CFAP61: variants seen among roughly 807,000 people sequenced by gnomAD.
CFAP61 encodes the protein cilia- and flagella-associated protein 61.
A neutral mutation model predicts 135.6 loss-of-function variants in CFAP61; 107 were observed. The observed-to-expected ratio is 0.79, with a 90% confidence interval of 0.67 to 0.93. CFAP61 has a LOEUF of 0.93. CFAP61 is among the 40% of genes least tolerant of loss of function. CFAP61 has a pLI of 0.00. For synonymous variants in CFAP61, 575 were observed against 578.5 expected, an observed-to-expected ratio of 0.99 and a Z score of 0.09; for missense variants, 1,507 against 1,556.2, an observed-to-expected ratio of 0.97 and a Z score of 0.53.
chr20:20,074,046 G>A (rs1600452597), intron 3 of CFAP61: 1 of 488,716 alleles, frequency 2.0e-6, no homozygotes, highest in South Asian at 2.5e-5. Context: ...GCAGGAGGAA[G>A]GGCGGGTGCT....
chr20:20,209,441 A>G (rs1260944623), intron 17 of CFAP61, among the ~76,000 whole-genome samples: 1 of 152,238 alleles, frequency 6.6e-6, no homozygotes, highest in East Asian at 1.9e-4. Context: ...TGATTCCTGA[A>G]TTGAAAAAGA....
At chr20:20,266,082 G>A (rs1017681631) in intron 21 of CFAP61, among the ~76,000 whole-genome samples, 1 of 152,210 alleles carries the variant, frequency 6.6e-6, no homozygotes, top group Non-Finnish European at 1.5e-5. Context: ...AGTGTGAGAG[G>A]AGGCCTCGAG....
intron 25 of CFAP61, among the ~76,000 whole-genome samples, chr20:20,320,233 G>A (rs2057372726): frequency 6.8e-6 from 1 of 146,454 alleles, no homozygotes; most frequent in South Asian, 2.1e-4. Context: ...CATTTATGAG[G>A]TGATTGGAAA....
chr20:20,197,140 A>G (rs941322579), intron 16 of CFAP61, among the ~76,000 whole-genome samples: 2 of 152,250 alleles, frequency 1.3e-5, no homozygotes, highest in Non-Finnish European at 2.9e-5. Context: ...AGCCAAGAAC[A>G]TTTCAGTGAT....
chr20:20,224,114 C>A (rs1468616902), intron 17 of CFAP61, among the ~76,000 whole-genome samples: 1 of 152,076 alleles, frequency 6.6e-6, no homozygotes, highest in Non-Finnish European at 1.5e-5. Context: ...AGTTCCTGAC[C>A]TCTAGGAGTT....
At chr20:20,310,067 T>C (rs1478076806) in intron 25 of CFAP61, among the ~76,000 whole-genome samples, 1 of 152,184 alleles carries the variant, frequency 6.6e-6, no homozygotes, top group Non-Finnish European at 1.5e-5. Context: ...CAATCTCAGC[T>C]CACTGCAACC....
chr20:20,170,020 A>C (rs539581535), intron 13 of CFAP61, among the ~76,000 whole-genome samples: 1 of 152,372 alleles, frequency 6.6e-6, no homozygotes, highest in East Asian at 1.9e-4. Flanking sequence ...ATGGTGAACA[A>C]CATGTAGACA....
chr20:20,183,018 A>G (rs1173353290), intron 13 of CFAP61, among the ~76,000 whole-genome samples: 1 of 152,232 alleles, frequency 6.6e-6, no homozygotes, highest in Non-Finnish European at 1.5e-5. Context: ...TTCTAGTTAA[A>G]GCGAAAACAA....
intron 13 of CFAP61, among the ~76,000 whole-genome samples, chr20:20,172,491 A>G (rs572501637): frequency 3.6e-4 from 54 of 151,674 alleles, no homozygotes; most frequent in African/African-American, 1.3e-3. Flanking sequence ...TAATTTTTGT[A>G]TTTTTTTGTA....
intron 4 of CFAP61, among the ~76,000 whole-genome samples, chr20:20,074,797 G>A (rs953888621): frequency 1.4e-4 from 22 of 152,214 alleles, no homozygotes; most frequent in African/African-American, 5.3e-4. Flanking sequence ...TCATGGCGAT[G>A]TGTCTCTGAC....
intron 13 of CFAP61, chr20:20,172,283 C>T (rs1044587640): frequency 6.1e-6 from 6 of 983,188 alleles, no homozygotes; most frequent in African/African-American, 3.5e-5. Context: ...TGCATTATGT[C>T]TATCTGTTAT....
chr20:20,102,005 C>A (rs895001457), intron 8 of CFAP61, among the ~76,000 whole-genome samples: 2 of 152,148 alleles, frequency 1.3e-5, no homozygotes, highest in Non-Finnish European at 2.9e-5. Flanking sequence ...ATCCCTCCGA[C>A]TTTTATTTTG....
intron 6 of CFAP61, among the ~76,000 whole-genome samples, chr20:20,087,194 T>C (rs1441163712): frequency 6.6e-6 from 1 of 152,166 alleles, no homozygotes; most frequent in African/African-American, 2.4e-5. Context: ...TACCCGGGTA[T>C]ATTGCATGAT....
intron 9 of CFAP61, among the ~76,000 whole-genome samples, chr20:20,146,009 G>A (rs2051850012): frequency 1.3e-5 from 2 of 152,182 alleles, no homozygotes; most frequent in South Asian, 2.1e-4. Flanking sequence ...CCACCTCCTG[G>A]CCTGGGTAGC....
chr20:20,352,113 A>G (rs1249815035), intron 26 of CFAP61, among the ~76,000 whole-genome samples: 1 of 152,198 alleles, frequency 6.6e-6, no homozygotes, highest in Non-Finnish European at 1.5e-5. Flanking sequence ...ACAGTTCCAT[A>G]TGGCCGGGGA....
intron 6 of CFAP61, chr20:20,085,565 G>A: frequency 7.4e-7 from 1 of 1,343,660 alleles, no homozygotes; most frequent in Middle Eastern, 2.1e-4. Flanking sequence ...TTGTTAACGG[G>A]CTGCTGAGGT....
intron 17 of CFAP61, among the ~76,000 whole-genome samples, chr20:20,217,379 A>G (rs2048106805): frequency 6.6e-6 from 1 of 152,248 alleles, no homozygotes; most frequent in African/African-American, 2.4e-5. Context: ...GGAGGCACAC[A>G]TTAGAAATTT....
chr20:20,318,807 G>A (rs969851647), intron 25 of CFAP61, among the ~76,000 whole-genome samples: 1 of 152,200 alleles, frequency 6.6e-6, no homozygotes, highest in Non-Finnish European at 1.5e-5. Context: ...GGTCAGGAGG[G>A]ATCCTGGGCA....
chr20:20,064,648 A>G (rs1388331441), intron 2 of CFAP61, among the ~76,000 whole-genome samples: 2 of 152,142 alleles, frequency 1.3e-5, no homozygotes, highest in African/African-American at 4.8e-5. Flanking sequence ...TTATTTCTGG[A>G]ATTTTCCATT....
Sources: allele counts gnomAD v4.1 joint callset (sites outside exome capture counted in the v4.1 genomes callset), GRCh38; gene constraint gnomAD v4.1.1; transcripts MANE v1.5; gene names NCBI Gene and HGNC (gene_info 2026-07-23, HGNC 2026-07-21).